SEC24D: variants seen among roughly 807,000 people sequenced by gnomAD.
SEC24D encodes the protein SEC24 homolog D, COPII component.
Under a neutral mutation model 116.9 loss-of-function variants are expected in SEC24D, and 69 were observed. That is an observed-to-expected ratio of 0.59 (90% confidence interval 0.49 to 0.72). The LOEUF is 0.72. Among genes scored for constraint, SEC24D ranks in the 30% least tolerant of loss-of-function variants. The probability of loss-of-function intolerance (pLI) is 0.00; values close to 1 mark genes in which losing one functional copy is unlikely to be tolerated. For synonymous variants in SEC24D, 405 were observed against 442.8 expected, an observed-to-expected ratio of 0.91 and a Z score of 1.07; for missense variants, 1,131 against 1,264.1, an observed-to-expected ratio of 0.89 and a Z score of 1.60.
chr4:118,826,058 A>C (rs1188231407), intron 2 of SEC24D, among the ~76,000 whole-genome samples: 3 of 151,676 alleles, frequency 2.0e-5, no homozygotes, highest in Non-Finnish European at 4.4e-5. Context: ...TAATATTGAA[A>C]CTTTTACAAG....
At chr4:118,831,959 T>C (rs1280503962) in intron 2 of SEC24D, among the ~76,000 whole-genome samples, 3 of 151,094 alleles carry the variant, frequency 2.0e-5, no homozygotes, top group Non-Finnish European at 4.4e-5. Context: ...TTCCAGCACC[T>C]TGGGAGGTGG....
intron 6 of SEC24D, among the ~76,000 whole-genome samples, chr4:118,810,090 G>A (rs894918650): frequency 8.1e-5 from 10 of 123,016 alleles, no homozygotes; most frequent in Non-Finnish European, 3.8e-5. Flanking sequence ...GTGTGTGTGT[G>A]TGTGTGTGTG....
intron 6 of SEC24D, among the ~76,000 whole-genome samples, chr4:118,808,511 T>G (rs553255470): frequency 6.6e-6 from 1 of 152,336 alleles, no homozygotes; most frequent in African/African-American, 2.4e-5. Flanking sequence ...AATTCACATC[T>G]TGGATGGAAT....
intron 10 of SEC24D, among the ~76,000 whole-genome samples, chr4:118,760,188 C>T (rs1727301781): frequency 6.6e-6 from 1 of 152,044 alleles, no homozygotes; most frequent in South Asian, 2.1e-4. Flanking sequence ...TAAAAATTGC[C>T]ATCTTAACCA....
intron 3 of SEC24D, among the ~76,000 whole-genome samples, chr4:118,819,118 T>C (rs1484144632): frequency 2.0e-5 from 3 of 152,198 alleles, no homozygotes; most frequent in Admixed American, 6.5e-5. Flanking sequence ...ATTTAAAATA[T>C]GTTGTGATCA....
chr4:118,782,385 C>A (rs1297737689), intron 8 of SEC24D, among the ~76,000 whole-genome samples: 4 of 152,180 alleles, frequency 2.6e-5, no homozygotes, highest in African/African-American at 9.7e-5. Context: ...CCACTCCAGA[C>A]CCTGTTTGCC....
At chr4:118,754,110 CACTA>C (rs1726964839) in intron 11 of SEC24D, 1 of 152,168 alleles carries the variant, frequency 6.6e-6, no homozygotes, top group Non-Finnish European at 1.5e-5. Context: ...CTACTTCCTT[CACTA>C]ACTGAGGCTA....
chr4:118,795,723 G>T (rs1039654786), intron 8 of SEC24D, among the ~76,000 whole-genome samples: 1 of 152,062 alleles, frequency 6.6e-6, no homozygotes, highest in African/African-American at 2.4e-5. Flanking sequence ...ATCTATCACA[G>T]AAAACAATCA....
chr4:118,799,347 G>C (rs1467020008), intron 7 of SEC24D, among the ~76,000 whole-genome samples: 1 of 152,148 alleles, frequency 6.6e-6, no homozygotes, highest in Admixed American at 6.6e-5. Context: ...ATGTTTTAAC[G>C]GGTGTGCGGG....
At chr4:118,806,750 G>A (rs1475062197) in intron 6 of SEC24D, among the ~76,000 whole-genome samples, 1 of 152,160 alleles carries the variant, frequency 6.6e-6, no homozygotes, top group Non-Finnish European at 1.5e-5. Context: ...TTGGGAGTCC[G>A]AGGCGGGAGG....
chr4:118,725,522 C>T (rs1211302773), intron 22 of SEC24D, among the ~76,000 whole-genome samples: 2 of 152,030 alleles, frequency 1.3e-5, no homozygotes, highest in South Asian at 2.1e-4. Context: ...CTTGAAGTTC[C>T]AATTTCTTTA....
At chr4:118,807,537 G>C (rs1171083316) in intron 6 of SEC24D, among the ~76,000 whole-genome samples, 1 of 151,762 alleles carries the variant, frequency 6.6e-6, no homozygotes, top group Admixed American at 6.6e-5. Flanking sequence ...AAAAAAAATG[G>C]AGAAACAGGA....
chr4:118,740,469 T>G (rs1401972254), intron 17 of SEC24D, among the ~76,000 whole-genome samples, 194 bp downstream of exon 17: 2 of 152,208 alleles, frequency 1.3e-5, no homozygotes, highest in Non-Finnish European at 1.5e-5. Flanking sequence ...TGTCACTTCA[T>G]ATAAGTAGCA....
chr4:118,771,434 C>T (rs1431678748), intron 8 of SEC24D, among the ~76,000 whole-genome samples: 1 of 152,138 alleles, frequency 6.6e-6, no homozygotes, highest in Non-Finnish European at 1.5e-5. Flanking sequence ...TGAGTTTACA[C>T]AACATGAAAG....
At chr4:118,815,225 T>C (rs1730089440) in intron 5 of SEC24D, 70 bp from the exon 6 acceptor site, 7 of 1,566,276 alleles carry the variant, frequency 4.5e-6, no homozygotes, top group Non-Finnish European at 6.1e-6. Context: ...GTTGACGATA[T>C]TATGCTGTTC....
In SEC24D at chr4:118,773,380, T is replaced by A. The variant is rs373828610; in HGVS notation, c.1042-5069A>T. Among the ~76,000 whole-genome samples, 11 of 152,340 alleles carry A rather than the reference T, an allele frequency of 7.2e-5. No individual in the cohort carries two copies. The East Asian group carries it at 2.1e-3, about 29-fold the overall frequency. On this transcript the variant is annotated intron_variant, in intron 8 of 22. Transcript: ENST00000280551. ...ATGTTATACAGTTTTCTAGCCTGAT[T>A]AAGGATCATATTCAGCATCAACTTG...
intron 7 of SEC24D, among the ~76,000 whole-genome samples, chr4:118,804,249 C>T (rs946413332): frequency 3.2e-4 from 48 of 152,124 alleles, no homozygotes; most frequent in African/African-American, 1.1e-3. Flanking sequence ...TACATGTGTC[C>T]GATAAATATT....
chr4:118,739,442 GAAC>G (rs1176800465), intron 17 of SEC24D, among the ~76,000 whole-genome samples, 155 bp from the exon 18 acceptor site: 1 of 152,096 alleles, frequency 6.6e-6, no homozygotes, highest in African/African-American at 2.4e-5. Context: ...GTTAAAGAAT[GAAC>G]AACAGGAAAT....
intron 9 of SEC24D, among the ~76,000 whole-genome samples, chr4:118,765,119 T>C (rs1004987938): frequency 6.6e-6 from 1 of 152,222 alleles, no homozygotes; most frequent in African/African-American, 2.4e-5. Flanking sequence ...TATAAGTTAT[T>C]GATGACAAAG....
Sources: gnomAD v4.1 joint callset for allele counts (sites outside exome capture counted in the v4.1 genomes callset) on GRCh38, gnomAD v4.1.1 for gene constraint, MANE v1.5 for transcripts, NCBI Gene and HGNC (gene_info 2026-07-23, HGNC 2026-07-21) for gene names.